Variants in KALRN observed in about 807,000 individuals in gnomAD.
KALRN encodes the protein kalirin.
KALRN carries 70 observed loss-of-function variants against 353.7 expected under a neutral mutation model. The ratio of observed to expected loss-of-function variants is 0.20; its 90% CI spans 0.16 to 0.24. KALRN has a LOEUF of 0.24. Among genes scored for constraint, KALRN ranks in the 10% least tolerant of loss-of-function variants. The probability of loss-of-function intolerance (pLI) is 1.00; values close to 1 mark genes in which losing one functional copy is unlikely to be tolerated. For missense variants in KALRN, 2,791 were observed against 3,756.7 expected (o/e 0.74, Z 6.72); for synonymous variants, 1,391 against 1,434.8 (o/e 0.97, Z 0.69).
intron 23 of KALRN, among the ~76,000 whole-genome samples, chr3:124,459,790 T>C (rs971730646): frequency 1.3e-5 from 2 of 152,332 alleles, no homozygotes; most frequent in South Asian, 4.2e-4. Context: ...ATATAGTTTA[T>C]TTTATCAAGA....
chr3:124,696,617 G>A (rs905090384), intron 54 of KALRN, among the ~76,000 whole-genome samples: 2 of 152,150 alleles, frequency 1.3e-5, no homozygotes, highest in East Asian at 3.9e-4. Context: ...CAAGGCTAAC[G>A]CAATCCTCCC....
At chr3:124,383,063 T>C (rs550183245) in intron 10 of KALRN, among the ~76,000 whole-genome samples, 11 of 152,326 alleles carry the variant, frequency 7.2e-5, no homozygotes, top group South Asian at 4.1e-4. Context: ...GTTGGGAGCA[T>C]TGGGACAATG....
At chr3:124,470,502 T>G (rs1376228970) in intron 25 of KALRN, among the ~76,000 whole-genome samples, 1 of 150,086 alleles carries the variant, frequency 6.7e-6, no homozygotes, top group Non-Finnish European at 1.5e-5. Flanking sequence ...ACTTATCAAT[T>G]GGTATGCCTG....
intron 1 of KALRN, among the ~76,000 whole-genome samples, chr3:124,137,510 G>T (rs962891580): frequency 1.3e-5 from 2 of 152,134 alleles, no homozygotes; most frequent in African/African-American, 4.8e-5. Flanking sequence ...GGATGTGGTT[G>T]AAAAGGGGAA....
At chr3:124,507,467 A>C (rs2065363883) in intron 33 of KALRN, among the ~76,000 whole-genome samples, 1 of 152,262 alleles carries the variant, frequency 6.6e-6, no homozygotes, top group African/African-American at 2.4e-5. Flanking sequence ...ATGCCCAAAC[A>C]GAAAGTTCTG....
In KALRN at chr3:124,674,596, G is replaced by C; in HGVS notation, c.7175G>C (p.Ser2392Thr). Residue 2392 changes from serine to threonine, a missense_variant, in exon 49 of 60, where the codon AGT becomes ACT. Physicochemically the swap from Ser to Thr is moderately conservative, Grantham distance 58 (BLOSUM62 1). Coordinates refer to ENST00000682506, the MANE Select transcript of KALRN (RefSeq NM_001388419.1). ...CTCACCAAAGCCACAGCAGCAGAAA[G>C]TAGTGACGGGAGCATCAAGTAAGTG... ...APLTKATAAESSDGSIKKSCS... is the reference protein window; with the variant it reads ...APLTKATAAETSDGSIKKSCS... 6.3e-7 allele frequency: 1 copy of C among 1,596,492 alleles called. No individual in the cohort carries two copies. Among genetic ancestry groups the C allele is most frequent in the South Asian group, 1.1e-5 (1 of 88,772 alleles).
intron 22 of KALRN, among the ~76,000 whole-genome samples, chr3:124,455,646 T>A (rs1411286188): frequency 6.6e-6 from 1 of 152,220 alleles, no homozygotes; most frequent in African/African-American, 2.4e-5. Context: ...TAGAGTTAAC[T>A]GTTGACTTTG....
Position 124,694,495 on chromosome 3 carries a change from C to G in KALRN, c.7569C>G (p.Val2523=). 6.2e-7 allele frequency: 1 copy of G among 1,613,724 alleles called. No homozygotes were observed. The highest frequency in any genetic ancestry group is 8.5e-7 in the Non-Finnish European group (1 of 1,179,956). The change falls in exon 53 of 60, where the codon GTC becomes GTG. Residue 2523 remains valine (V), a synonymous_variant. Transcript: ENST00000682506. ...ATAACAGCTCAGCCACATACACGGT[C>G]TCCTCTTGGTAAGCCGATTGCCCTA... The part of the protein sequence containing the change: ...DTDNSSATYT[V]SSCDSGEITL...
chr3:124,050,893 A>C (rs779468162), intron 1 of KALRN, among the ~76,000 whole-genome samples: 9 of 152,312 alleles, frequency 5.9e-5, no homozygotes, highest in Admixed American at 4.6e-4. Context: ...GCCTGCTGCT[A>C]TAACTATCCT....
At chr3:124,232,499 G>T (rs191679840) in intron 2 of KALRN, among the ~76,000 whole-genome samples, 43 of 152,260 alleles carry the variant, frequency 2.8e-4, no homozygotes, top group African/African-American at 1.0e-3. Flanking sequence ...GCCTCAGAGA[G>T]GGGGGCAGCC....
At chr3:124,406,720 TGA>T (rs374706367) in intron 13 of KALRN, among the ~76,000 whole-genome samples, 178 of 152,294 alleles carry the variant, frequency 1.2e-3, no homozygotes, top group African/African-American at 4.0e-3. Context: ...TCACCTTTGC[TGA>T]GAGACAGTAA....
At chr3:124,111,906 G>A (rs1024124561) in intron 1 of KALRN, among the ~76,000 whole-genome samples, 1 of 152,126 alleles carries the variant, frequency 6.6e-6, no homozygotes, top group Non-Finnish European at 1.5e-5. Flanking sequence ...GTACAAAATA[G>A]GAATAGATCT....
At chr3:124,718,532 T>C (rs936177179) in intron 59 of KALRN, among the ~76,000 whole-genome samples, 1 of 152,256 alleles carries the variant, frequency 6.6e-6, no homozygotes, top group East Asian at 1.9e-4. Flanking sequence ...TGAGAGAAGG[T>C]AGGGAAGTTC....
At chr3:124,279,609 G>A (rs2075138388) in intron 5 of KALRN, among the ~76,000 whole-genome samples, 1 of 152,158 alleles carries the variant, frequency 6.6e-6, no homozygotes. Flanking sequence ...CTCATCAGTG[G>A]GTATTAGACA....
At chr3:124,115,084 G>A (rs1219990789) in intron 1 of KALRN, among the ~76,000 whole-genome samples, 3 of 152,156 alleles carry the variant, frequency 2.0e-5, no homozygotes, top group African/African-American at 7.2e-5. Context: ...TCTTGAAAGG[G>A]CCTTAAAGGA....
chr3:124,292,647 T>TG (rs11464504), intron 5 of KALRN, among the ~76,000 whole-genome samples: 69,769 of 151,568 alleles, frequency 0.46, 17,385 homozygotes, highest in Non-Finnish European at 0.56. Context: ...GCGGTCACTC[T>TG]GGGGGTGCAT....
intron 10 of KALRN, among the ~76,000 whole-genome samples, chr3:124,366,907 A>T (rs1226510745): frequency 1.8e-5 from 2 of 108,890 alleles, no homozygotes; most frequent in African/African-American, 4.4e-5. Flanking sequence ...TCCCTCCCGG[A>T]TGGGGTGGCT....
chr3:124,641,131 C>A, intron 37 of KALRN, among the ~76,000 whole-genome samples: 1 of 152,182 alleles, frequency 6.6e-6, no homozygotes, highest in South Asian at 2.1e-4. Context: ...GCTTCTGCCT[C>A]GGTGAGTTAG....
At chr3:124,460,335 C>T (rs1226700002) in intron 23 of KALRN, among the ~76,000 whole-genome samples, 4 of 152,058 alleles carry the variant, frequency 2.6e-5, no homozygotes, top group Non-Finnish European at 4.4e-5. Flanking sequence ...TCTGTGACAA[C>T]AAATAGCCAG....
Sources: gnomAD v4.1 joint callset for allele counts (sites outside exome capture counted in the v4.1 genomes callset) on GRCh38, gnomAD v4.1.1 for gene constraint, MANE v1.5 for transcripts, NCBI Gene and HGNC (gene_info 2026-07-23, HGNC 2026-07-21) for gene names.